KCNQ1: variants seen among roughly 807,000 people sequenced by gnomAD.
The protein encoded by KCNQ1 is potassium voltage-gated channel subfamily Q member 1.
In KCNQ1, 49 loss-of-function variants were observed where a neutral mutation model predicts 72.4. The ratio of observed to expected loss-of-function variants is 0.68; its 90% CI spans 0.54 to 0.86. The LOEUF is 0.86. Ranked by LOEUF, KCNQ1 falls within the 40% of genes least tolerant of loss-of-function variation. The probability of loss-of-function intolerance (pLI) is 0.00; values close to 1 mark genes in which losing one functional copy is unlikely to be tolerated. For synonymous variants in KCNQ1, 450 were observed against 412.6 expected (o/e 1.09, Z -1.10); for missense variants, 790 against 945.1 (o/e 0.84, Z 2.15).
At chr11:2,838,380 G>A (rs1280020923) in intron 15 of KCNQ1, among the ~76,000 whole-genome samples, 4 of 152,188 alleles carry the variant, frequency 2.6e-5, no homozygotes, top group African/African-American at 9.7e-5. Context: ...GTGAGGCCAG[G>A]GATGGGGGCT....
rs566036031 is a variant in KCNQ1, at chr11:2,826,723, G to T, written c.1795-21044G>T. On this transcript the variant is annotated intron_variant, in intron 15 of 15. Coordinates refer to ENST00000155840, the MANE Select transcript of KCNQ1 (RefSeq NM_000218.3). This position sits in a 1 kb window ranked among gnomAD's most constrained non-coding sequence, Gnocchi z 4.2. ...CACGGGGCTCCCCTGGGCACCCCTC[G>T]TCTTGGGGCCCCTGCCCTGCCTCCA... is the stretch of plus-strand genomic sequence containing the variant. 1.3e-5 allele frequency among the ~76,000 whole-genome samples: 2 copies of T among 152,210 alleles called. No individual in the cohort carries two copies. Among genetic ancestry groups the T allele is most frequent in the Non-Finnish European group, 2.9e-5 (2 of 68,014 alleles).
At position 2,501,718 on chromosome 11, in the gene KCNQ1, C is replaced by CAAAAAAAAAAAA. The variant is rs55865890; in HGVS notation, c.387-26192_387-26181dup. Among the ~76,000 whole-genome samples, 36 of 68,906 alleles carry CAAAAAAAAAAAA rather than the reference C, an allele frequency of 5.2e-4. 2 individuals carry two copies. Among genetic ancestry groups the CAAAAAAAAAAAA allele is most frequent in the Non-Finnish European group, 7.2e-4 (25 of 34,646 alleles). The allele number at this position is 68,906 out of a possible 152,430, so 45.2% of individuals were successfully genotyped here. A position where few individuals can be genotyped will look rare whatever the true frequency, so the allele number is the denominator to read the frequency against. ...TTACCAAAACCAGACAAAGATACAT[C>CAAAAAAAAAAAA]AAAAAAAAAAAAAAAAAAAAAAAAA... On this transcript the variant is annotated intron_variant, in intron 1 of 15. Transcript: ENST00000155840.
In KCNQ1 at chr11:2,661,885, G is replaced by A; in HGVS notation, c.1394-76G>A. ...CTCCACTCCTCACCTGGCCCTGGGA[G>A]CTCACAGGCCTGGCTCCACAGCACT... On this transcript the variant is annotated intron_variant, in intron 10 of 15. Coordinates refer to ENST00000155840, the MANE Select transcript of KCNQ1 (RefSeq NM_000218.3). This position sits in a 1 kb window ranked among gnomAD's most constrained non-coding sequence, Gnocchi z 5.9. The A allele has an allele frequency of 1.3e-6, 2 of 1,592,272 alleles. No individual in the cohort carries two copies.
intron 11 of KCNQ1, among the ~76,000 whole-genome samples, chr11:2,749,640 A>T (rs11023986): frequency 1.8e-5 from 2 of 113,950 alleles, no homozygotes; most frequent in African/African-American, 7.5e-5. Flanking sequence ...TACTAAAAAT[A>T]CAAAAAAAAA....
At chr11:2,756,799 GT>G (rs915468139) in intron 11 of KCNQ1, among the ~76,000 whole-genome samples, 5 of 151,782 alleles carry the variant, frequency 3.3e-5, no homozygotes, top group African/African-American at 1.2e-4. Flanking sequence ...TTTCTACATT[GT>G]TTTTAAAAAC....
chr11:2,501,718 CAAAAAAAAAAAAAAAAAAA>C (rs55865890), intron 1 of KCNQ1, among the ~76,000 whole-genome samples: 3 of 68,888 alleles, frequency 4.4e-5, no homozygotes, highest in Non-Finnish European at 8.7e-5. Context: ...AAAGATACAT[CAAAAAAAAAAAAAAAAAAA>C]AAAAAAAAAA....
At chr11:2,606,246 A>G (rs1848877023) in intron 10 of KCNQ1, among the ~76,000 whole-genome samples, 1 of 152,172 alleles carries the variant, frequency 6.6e-6, no homozygotes, top group Non-Finnish European at 1.5e-5. Flanking sequence ...TACTGAACTC[A>G]TTCGTTGTAA....
rs114140159 is a variant in KCNQ1 at position 2,629,788 on chromosome 11, T to C, written c.1394-32173T>C. On this transcript the variant is annotated intron_variant, in intron 10 of 15. Coordinates refer to ENST00000155840, the MANE Select transcript of KCNQ1 (RefSeq NM_000218.3). The stretch of plus-strand genomic sequence containing the variant: ...ATGCTGATTTTGTATCCTGCCACTT[T>C]ACTGAGTTAGATTATTACTTCTAAC... The C allele has an allele frequency of 2.5e-3, 977 of 398,532 alleles. 4 individuals carry two copies. Among genetic ancestry groups the C allele is most frequent in the African/African-American group, 0.018 (873 of 48,754 alleles). The allele number at this position is 398,532 out of a possible 1,614,324, so 24.7% of individuals were successfully genotyped here. A position where few individuals can be genotyped will look rare whatever the true frequency, so the allele number is the denominator to read the frequency against.
rs1272367005 is a variant in KCNQ1 at position 2,663,595 on chromosome 11, C to G, written c.1514+1514C>G. 2 of 398,570 alleles carry G rather than the reference C, an allele frequency of 5.0e-6. No homozygotes were observed. Among genetic ancestry groups the G allele is most frequent in the Admixed American group, 4.4e-5 (1 of 22,716 alleles). The allele number at this position is 398,570 out of a possible 1,614,324, so 24.7% of individuals were successfully genotyped here. A position where few individuals can be genotyped will look rare whatever the true frequency, so the allele number is the denominator to read the frequency against. ...TTCTCCTGTTGGAGCTCTCGCTCAC[C>G]TTGGTTCTCTTGGTCACGGACCAGC... On this transcript the variant is annotated intron_variant, in intron 11 of 15. Transcript: ENST00000155840. The surrounding 1 kb of genome is among the most constrained non-coding windows in gnomAD (Gnocchi z 5.2).
Position 2,549,690 on chromosome 11 carries a change from T to A in KCNQ1, c.478-20938T>A, listed in dbSNP as rs925734683. ...GGGTGGGAACAAGAGGCGTTTTGTG[T>A]TCTGCATGGGTGGCCCTGGGCTCCC... is the stretch of plus-strand genomic sequence containing the variant. On this transcript the variant is annotated intron_variant, in intron 2 of 15. Transcript: ENST00000155840. This position sits in a 1 kb window ranked among gnomAD's most constrained non-coding sequence, Gnocchi z 6.2. 3.9e-5 allele frequency among the ~76,000 whole-genome samples: 6 copies of A among 152,062 alleles called. No individual in the cohort carries two copies. Among genetic ancestry groups the A allele is most frequent in the Non-Finnish European group, 8.8e-5 (6 of 67,974 alleles).
At chr11:2,702,408 T>A (rs1423622775) in intron 11 of KCNQ1, among the ~76,000 whole-genome samples, 1 of 152,170 alleles carries the variant, frequency 6.6e-6, no homozygotes, top group African/African-American at 2.4e-5. Context: ...GCTGAAAAGC[T>A]CCCTAAATCA....
Position 2,544,936 on chromosome 11 carries a change from A to G in KCNQ1, c.477+16918A>G, listed in dbSNP as rs1192803520. 2.0e-5 allele frequency among the ~76,000 whole-genome samples: 3 copies of G among 152,216 alleles called. No homozygotes were observed. The highest frequency in any genetic ancestry group is 4.4e-5 in the Non-Finnish European group (3 of 68,038). ...AGGGTGATGTTGGCTCTGGGTTTCC[A>G]TAGATGTCTTTACCAGGTTAAGGAA... is the stretch of plus-strand genomic sequence containing the variant. On this transcript the variant is annotated intron_variant, in intron 2 of 15. Coordinates refer to ENST00000155840, the MANE Select transcript of KCNQ1 (RefSeq NM_000218.3). This position sits in a 1 kb window ranked among gnomAD's most constrained non-coding sequence, Gnocchi z 4.4.
At chr11:2,705,167 A>T (rs971658839) in intron 11 of KCNQ1, among the ~76,000 whole-genome samples, 3 of 152,176 alleles carry the variant, frequency 2.0e-5, no homozygotes, top group Non-Finnish European at 4.4e-5. Context: ...CTCAGACAAC[A>T]GTGCTGTGTT....
intron 11 of KCNQ1, among the ~76,000 whole-genome samples, chr11:2,731,857 C>T (rs1326210518): frequency 2.0e-5 from 3 of 152,228 alleles, no homozygotes; most frequent in Non-Finnish European, 4.4e-5. Context: ...ACCACTGCAG[C>T]GGCTGCTCAC....
chr11:2,705,415 C>T (rs1038132294), intron 11 of KCNQ1, among the ~76,000 whole-genome samples: 2 of 152,204 alleles, frequency 1.3e-5, no homozygotes, highest in South Asian at 4.1e-4. Context: ...CCCACTTCGA[C>T]GCGGGTTAAC....
Position 2,549,339 on chromosome 11 carries a change from G to T in KCNQ1, c.478-21289G>T, listed in dbSNP as rs1334931891. Among the ~76,000 whole-genome samples, 1 of 152,054 alleles carries T rather than the reference G, an allele frequency of 6.6e-6. No homozygotes were observed. The highest frequency in any genetic ancestry group is 1.5e-5 in the Non-Finnish European group (1 of 67,982). On this transcript the variant is annotated intron_variant, in intron 2 of 15. Coordinates refer to ENST00000155840, the MANE Select transcript of KCNQ1 (RefSeq NM_000218.3). The surrounding 1 kb of genome is among the most constrained non-coding windows in gnomAD (Gnocchi z 6.2). ...GGGTGCGGGACAAACCTGGGTCCAG[G>T]CACCTGGGGCGACCCTCCTTGGCCG...
rs538254787 is a variant in KCNQ1, at chr11:2,494,842, T to A, written c.387-33086T>A. On this transcript the variant is annotated intron_variant, in intron 1 of 15. Transcript: ENST00000155840. The surrounding 1 kb of genome is among the most constrained non-coding windows in gnomAD (Gnocchi z 4.6). ...CTGCCAAATTTTGGTATCAGGATGA[T>A]GCTGGCCTCATAAAATGAGTTAGGG... Among the ~76,000 whole-genome samples the A allele has an allele frequency of 1.2e-4, 19 of 152,332 alleles. No individual in the cohort carries two copies. In the South Asian group the frequency reaches 3.9e-3, roughly 32 times the overall value.
At chr11:2,523,953 G>T (rs905594407) in intron 1 of KCNQ1, among the ~76,000 whole-genome samples, 2 of 151,958 alleles carry the variant, frequency 1.3e-5, no homozygotes, top group African/African-American at 4.8e-5. Flanking sequence ...TGCATGACTC[G>T]CAGACATGGC....
Position 2,486,112 on chromosome 11 carries a change from C to T in KCNQ1, c.386+40628C>T, listed in dbSNP as rs1453008307. ...ATTATAGTTTTAATTTCTTGAGGAA[C>T]CACTATGCCGTTTTCCACAGTAGCT... On this transcript the variant is annotated intron_variant, in intron 1 of 15. Transcript: ENST00000155840. The surrounding 1 kb of genome is among the most constrained non-coding windows in gnomAD (Gnocchi z 5.0). Among the ~76,000 whole-genome samples, 1 of 152,194 alleles carries T rather than the reference C, an allele frequency of 6.6e-6. No homozygotes were observed.
Sources: allele counts gnomAD v4.1 joint callset (sites outside exome capture counted in the v4.1 genomes callset), GRCh38; gene constraint gnomAD v4.1.1; non-coding constraint Gnocchi (gnomAD v3.1); transcripts MANE v1.5; gene names NCBI Gene and HGNC (gene_info 2026-07-23, HGNC 2026-07-21).